The following DLGAP4 variants were observed in gnomAD, a reference collection of about 807,000 sequenced individuals.
DLGAP4 encodes DLG associated protein 4.
DLGAP4 carries 18 observed loss-of-function variants against 86.9 expected under a neutral mutation model. The ratio of observed to expected loss-of-function variants is 0.21; its 90% CI spans 0.14 to 0.31. The LOEUF (loss-of-function observed/expected upper bound fraction) is 0.31, where lower values mean the gene tolerates loss of function less well. Ranked by LOEUF, DLGAP4 falls within the 10% of genes least tolerant of loss-of-function variation. The pLI is 1.00. For missense variants in DLGAP4, 1,085 were observed against 1,362.6 expected (o/e 0.80, Z 3.21); for synonymous variants, 548 against 574.3 (o/e 0.95, Z 0.65).
rs1400770816 is a variant in DLGAP4, at chr20:36,431,493, T to G, written c.-72-153T>G. Among the ~76,000 whole-genome samples the G allele has an allele frequency of 6.6e-6, 1 of 152,106 alleles. No homozygotes were observed. Among genetic ancestry groups the G allele is most frequent in the African/African-American group, 2.4e-5 (1 of 41,406 alleles). ...AACTTTTATTTATACACAGAGTACG[T>G]GGGCCTCGGTGTGTACTCCTGTCCT... On this transcript the variant is annotated intron_variant, in intron 2 of 12. Coordinates refer to ENST00000339266, the MANE Select transcript of DLGAP4 (RefSeq NM_001365621.2). This position sits in a 1 kb window ranked among gnomAD's most constrained non-coding sequence, Gnocchi z 5.1.
At chr20:36,458,617 T>C (rs947732401) in intron 7 of DLGAP4, among the ~76,000 whole-genome samples, 1 of 151,908 alleles carries the variant, frequency 6.6e-6, no homozygotes, top group African/African-American at 2.4e-5. Flanking sequence ...GAGAATCGCT[T>C]GAGCCTGGGA....
intron 2 of DLGAP4, among the ~76,000 whole-genome samples, chr20:36,394,492 G>A (rs1333352920): frequency 2.6e-5 from 4 of 152,174 alleles, no homozygotes; most frequent in African/African-American, 9.7e-5. Context: ...CCCGGGGCAT[G>A]ACGTCAGTCA....
At chr20:36,339,598 T>C (rs1223884208) in intron 1 of DLGAP4, among the ~76,000 whole-genome samples, 5 of 152,236 alleles carry the variant, frequency 3.3e-5, no homozygotes, top group Admixed American at 6.5e-5. Flanking sequence ...AACTCCCACC[T>C]TGGCCTCCCA....
At chr20:36,340,572 T>G (rs1030543991) in intron 1 of DLGAP4, among the ~76,000 whole-genome samples, 1 of 152,132 alleles carries the variant, frequency 6.6e-6, no homozygotes, top group Non-Finnish European at 1.5e-5. Context: ...GCTGGCCTCC[T>G]TGCACCCTGG....
intron 2 of DLGAP4, among the ~76,000 whole-genome samples, chr20:36,413,273 C>T (rs892833555): frequency 6.6e-6 from 1 of 151,850 alleles, no homozygotes; most frequent in East Asian, 1.9e-4. Context: ...CCACCGTGCC[C>T]GGCCTTATTC....
intron 2 of DLGAP4, among the ~76,000 whole-genome samples, chr20:36,417,352 T>C (rs2032685259): frequency 7.0e-6 from 1 of 142,010 alleles, no homozygotes; most frequent in Non-Finnish European, 1.5e-5. Context: ...CTGAGCAGGC[T>C]GGAGTTTGAG....
At chr20:36,360,376 C>T (rs1178068459) in intron 1 of DLGAP4, among the ~76,000 whole-genome samples, 1 of 152,178 alleles carries the variant, frequency 6.6e-6, no homozygotes, top group Non-Finnish European at 1.5e-5. Flanking sequence ...TGTCACTCCT[C>T]ATCTTCTGGT....
chr20:36,342,015 G>C (rs556914233), intron 1 of DLGAP4, among the ~76,000 whole-genome samples: 1 of 152,142 alleles, frequency 6.6e-6, no homozygotes, highest in Admixed American at 6.5e-5. Flanking sequence ...TCGGGGTGTC[G>C]GGGACAAGAG....
At chr20:36,440,801 GGTA>G (rs35544932) in intron 5 of DLGAP4, among the ~76,000 whole-genome samples, 26 of 152,052 alleles carry the variant, frequency 1.7e-4, no homozygotes, top group African/African-American at 6.0e-4. Context: ...GACACCTACT[GGTA>G]GTAGCAGTTA....
chr20:36,461,324 G>A lies in DLGAP4; in HGVS notation c.1648+14387G>A, dbSNP rs529243616. On this transcript the variant is annotated intron_variant, in intron 7 of 12. Transcript: ENST00000339266. ...CGCGCGCCTGCCGACCAGCCCGGCT[G>A]CGCGCGCCGGGCCACATGCCAAGCG... is the stretch of plus-strand genomic sequence containing the variant. 4.2e-3 allele frequency: 1,602 copies of A among 379,264 alleles called. 30 individuals carry two copies. Among genetic ancestry groups the A allele is most frequent in the Middle Eastern group, 0.026 (19 of 744 alleles). 23.5% of individuals were successfully genotyped at this position (379,264 alleles called of 1,614,324 possible).
chr20:36,440,139 T>C (rs2033407464), intron 5 of DLGAP4, among the ~76,000 whole-genome samples: 1 of 152,162 alleles, frequency 6.6e-6, no homozygotes, highest in Non-Finnish European at 1.5e-5. Flanking sequence ...CACTTCTCAT[T>C]GGGTTCAGAA....
Position 36,320,920 on chromosome 20 carries a change from T to A in DLGAP4, c.-304+14408T>A, listed in dbSNP as rs192229991. On this transcript the variant is annotated intron_variant, in intron 1 of 12. Transcript: ENST00000339266. The stretch of plus-strand genomic sequence containing the variant: ...CTTCCTCTGAATCCCCGAACCCTCC[T>A]GTACCCCTTCCAGGACTCAGCACTT... Among the ~76,000 whole-genome samples, 58 of 152,308 alleles carry A rather than the reference T, an allele frequency of 3.8e-4. No homozygotes were observed. The East Asian group carries it at 0.011, about 28-fold the overall frequency.
intron 1 of DLGAP4, among the ~76,000 whole-genome samples, chr20:36,328,305 G>C (rs2065236207): frequency 6.6e-6 from 1 of 152,156 alleles, no homozygotes; most frequent in Non-Finnish European, 1.5e-5. Flanking sequence ...TGATCACTCA[G>C]CTTCTCCTGG....
chr20:36,526,743 TG>T (rs33999200), intron 12 of DLGAP4, 69 bp from the exon 13 acceptor site: 2 of 1,403,912 alleles, frequency 1.4e-6, no homozygotes, highest in Admixed American at 2.6e-5. Context: ...CGGCATATGG[TG>T]GGGGTAGTGC....
intron 1 of DLGAP4, among the ~76,000 whole-genome samples, chr20:36,328,279 G>A (rs1183166633): frequency 1.3e-5 from 2 of 152,010 alleles, no homozygotes; most frequent in Non-Finnish European, 2.9e-5. Flanking sequence ...CAGGTGGTTG[G>A]GTGTGCCCCT....
intron 7 of DLGAP4, among the ~76,000 whole-genome samples, chr20:36,448,902 C>T (rs1401147084): frequency 1.3e-5 from 2 of 152,038 alleles, no homozygotes; most frequent in Admixed American, 1.3e-4. Context: ...CCACTGCGCT[C>T]CAGCCTGGGT....
intron 7 of DLGAP4, chr20:36,492,856 A>C (rs992260007): frequency 6.6e-6 from 1 of 152,154 alleles, no homozygotes; most frequent in African/African-American, 2.4e-5. Flanking sequence ...AGGTCAAACA[A>C]ATCCATTCCT....
At chr20:36,389,748 C>T (rs1005116851) in intron 2 of DLGAP4, among the ~76,000 whole-genome samples, 3 of 152,184 alleles carry the variant, frequency 2.0e-5, no homozygotes, top group Admixed American at 6.5e-5. Context: ...TGCCTCTGAG[C>T]TTCCTAGTAG....
chr20:36,503,526 C>T (rs915531684), intron 10 of DLGAP4, among the ~76,000 whole-genome samples: 37 of 115,922 alleles, frequency 3.2e-4, no homozygotes, highest in African/African-American at 1.2e-3. Context: ...CTCGCTCTGT[C>T]TTCCAGGCTG....
Sources: allele counts gnomAD v4.1 joint callset (sites outside exome capture counted in the v4.1 genomes callset), GRCh38; gene constraint gnomAD v4.1.1; non-coding constraint Gnocchi (gnomAD v3.1); transcripts MANE v1.5; gene names NCBI Gene and HGNC (gene_info 2026-07-23, HGNC 2026-07-21).